PXDN: variants seen among roughly 807,000 people sequenced by gnomAD.
PXDN encodes the protein peroxidasin.
Under a neutral mutation model 140.3 loss-of-function variants are expected in PXDN, and 77 were observed. That is an observed-to-expected ratio of 0.55 (90% CI 0.46 to 0.66). PXDN has a LOEUF of 0.66. Ranked by LOEUF, PXDN falls within the 30% of genes least tolerant of loss-of-function variation. The pLI, the probability that PXDN is intolerant of heterozygous loss-of-function variation, is 0.00. For missense variants in PXDN, 1,838 were observed against 2,039.5 expected, an observed-to-expected ratio of 0.90 and a Z score of 1.90; for synonymous variants, 911 against 857.4, an observed-to-expected ratio of 1.06 and a Z score of -1.09.
At chr2:1,682,960 G>T (rs1204966500) in intron 6 of PXDN, among the ~76,000 whole-genome samples, 1 of 152,146 alleles carries the variant, frequency 6.6e-6, no homozygotes, top group Non-Finnish European at 1.5e-5. Context: ...GTAAAGATCA[G>T]CCTCCTTAGT....
At chr2:1,646,070 A>C (rs1384440027) in intron 17 of PXDN, 1 of 152,214 alleles carries the variant, frequency 6.6e-6, no homozygotes, top group Admixed American at 6.5e-5. Flanking sequence ...GTGAAACACA[A>C]AGTAGATGAG....
chr2:1,657,860 CAAGGA>C, intron 14 of PXDN, among the ~76,000 whole-genome samples: 1 of 145,102 alleles, frequency 6.9e-6, no homozygotes. Context: ...CCTCTCCTGA[CAAGGA>C]CGTGCCCCCT....
At position 1,744,425 on chromosome 2, in the gene PXDN, G is replaced by T; in HGVS notation, c.31C>A (p.Arg11Ser). 6.6e-7 allele frequency: 1 copy of T among 1,506,730 alleles called. No individual in the cohort carries two copies. The highest frequency in any genetic ancestry group is 8.8e-7 in the Non-Finnish European group (1 of 1,134,982). The allele number at this position is 1,506,730 out of a possible 1,614,324, so 93.3% of individuals were successfully genotyped here. A position where few individuals can be genotyped will look rare whatever the true frequency, so the allele number is the denominator to read the frequency against. Residue 11 changes from arginine to serine, a missense_variant, in exon 1 of 23, where the codon CGC (arginine) becomes AGC (serine). Around this residue, in one of 5 missense-constraint regions of PXDN, gnomAD observed 231 missense variants for 201.5 expected, o/e 1.15. Transcript: ENST00000252804. MAKRSRGPGRRCLLALVLFCA... is the reference protein window; with the variant it reads MAKRSRGPGRSCLLALVLFCA... The stretch of plus-strand genomic sequence containing the variant: ...AACAGCACGAGCGCCAACAGGCAGC[G>T]GCGCCCGGGGCCCCTGGAGCGCTTG...
At chr2:1,661,531 G>A (rs1019120870) in intron 13 of PXDN, among the ~76,000 whole-genome samples, 1 of 140,632 alleles carries the variant, frequency 7.1e-6, no homozygotes, top group Admixed American at 7.7e-5. Flanking sequence ...TCACAGGGCA[G>A]TGCAGGGATG....
At chr2:1,712,757 T>C (rs566819929) in intron 1 of PXDN, among the ~76,000 whole-genome samples, 2 of 152,268 alleles carry the variant, frequency 1.3e-5, no homozygotes, top group South Asian at 2.1e-4. Flanking sequence ...GGAGTTTTGC[T>C]CTTGTTGCCC....
intron 1 of PXDN, among the ~76,000 whole-genome samples, chr2:1,706,113 C>A (rs371291711): frequency 6.6e-6 from 1 of 152,164 alleles, no homozygotes; most frequent in Non-Finnish European, 1.5e-5. Context: ...CCCTGCCCTC[C>A]GATTCCTGGG....
intron 1 of PXDN, among the ~76,000 whole-genome samples, chr2:1,695,192 G>T (rs1009946057): frequency 2.0e-4 from 29 of 146,448 alleles, no homozygotes; most frequent in African/African-American, 6.8e-4. Context: ...GAAGACAGCA[G>T]GAAGAGCCAC....
At chr2:1,743,961 A>T (rs73182754) in intron 1 of PXDN, among the ~76,000 whole-genome samples, 3 of 151,616 alleles carry the variant, frequency 2.0e-5, no homozygotes, top group Admixed American at 1.3e-4. Context: ...ACAACTTCCC[A>T]GTCCTGCGGG....
intron 11 of PXDN, chr2:1,664,051 G>T: frequency 5.3e-6 from 2 of 375,626 alleles, no homozygotes; most frequent in Non-Finnish European, 9.7e-6. Context: ...GTCAGAGCGG[G>T]GTGGATGGCC....
At chr2:1,677,296 G>A (rs1683744193) in intron 7 of PXDN, among the ~76,000 whole-genome samples, 1 of 152,186 alleles carries the variant, frequency 6.6e-6, no homozygotes, top group African/African-American at 2.4e-5. Context: ...GCTCAGAGTT[G>A]GGCAGACAGC....
chr2:1,732,316 G>A (rs1013446999), intron 1 of PXDN, among the ~76,000 whole-genome samples: 10 of 152,130 alleles, frequency 6.6e-5, no homozygotes, highest in Admixed American at 6.6e-4. Context: ...AAAGGCCCAG[G>A]GGCCTGCAGA....
intron 1 of PXDN, among the ~76,000 whole-genome samples, chr2:1,734,246 T>C (rs1685379947): frequency 6.6e-6 from 1 of 152,250 alleles, no homozygotes; most frequent in Admixed American, 6.5e-5. Context: ...ATTTTCACTA[T>C]AATATAGCTG....
intron 22 of PXDN, among the ~76,000 whole-genome samples, 186 bp downstream of exon 22, chr2:1,635,222 G>A (rs189478984): frequency 1.3e-3 from 191 of 152,310 alleles, no homozygotes; most frequent in Non-Finnish European, 2.3e-3. Context: ...CTCCTAGCAC[G>A]TCCTCTGTGC....
intron 1 of PXDN, among the ~76,000 whole-genome samples, chr2:1,723,695 GATGGATGA>G (rs1685108835): frequency 6.6e-6 from 1 of 152,070 alleles, no homozygotes; most frequent in Non-Finnish European, 1.5e-5. Context: ...TGGATGGATG[GATGGATGA>G]ATGGATGGAT....
At chr2:1,636,128 G>A in intron 21 of PXDN, 1 of 175,416 alleles carries the variant, frequency 5.7e-6, no homozygotes. Context: ...AGCTGCAGCA[G>A]GGACCCTGCA....
rs1231013061 is a variant in PXDN at position 1,648,341 on chromosome 2, C to G, written c.3439G>C (p.Ala1147Pro). The change falls in exon 17 of 23, where the codon GCA becomes CCA. Residue 1147 changes from alanine to proline, a missense_variant. Ala to Pro is a conservative substitution (Grantham distance 27, BLOSUM62 -1). This residue lies in a region of PXDN where 850 missense variants were observed against 894.1 expected (regional missense o/e 0.95). Coordinates refer to ENST00000252804, the MANE Select transcript of PXDN (RefSeq NM_012293.3). This position sits in a 1 kb window ranked among gnomAD's most constrained non-coding sequence, Gnocchi z 8.9. ...TELTERLFSMAHTVALDLAAI... is the reference protein window; with the variant it reads ...TELTERLFSMPHTVALDLAAI... ...GCCAGGTCCAGAGCCACCGTGTGTG[C>G]CATGGAGAACAGCCGCTCCGTGAGC... 6.2e-7 allele frequency: 1 copy of G among 1,613,626 alleles called. No individual in the cohort carries two copies. The highest frequency in any genetic ancestry group is 8.5e-7 in the Non-Finnish European group (1 of 1,179,900).
intron 1 of PXDN, among the ~76,000 whole-genome samples, chr2:1,722,106 C>T (rs1685067117): frequency 6.6e-6 from 1 of 152,070 alleles, no homozygotes; most frequent in Non-Finnish European, 1.5e-5. Flanking sequence ...AATAATGAAC[C>T]CGAGAGGTGT....
intron 14 of PXDN, among the ~76,000 whole-genome samples, chr2:1,655,453 C>T (rs969661049): frequency 5.9e-5 from 9 of 151,640 alleles, no homozygotes; most frequent in African/African-American, 2.2e-4. Context: ...ACATACACCA[C>T]ACACACAAAT....
chr2:1,653,947 AAAAAC>A (rs1683072134), intron 15 of PXDN, 162 bp from the exon 16 acceptor site: 3 of 842,052 alleles, frequency 3.6e-6, no homozygotes, highest in Non-Finnish European at 5.3e-6. Flanking sequence ...GCAACAAAAC[AAAAAC>A]AAAACAAACA....
Sources: gnomAD v4.1 joint callset for allele counts (sites outside exome capture counted in the v4.1 genomes callset) on GRCh38, gnomAD v4.1.1 for gene constraint, gnomAD v4.1.1 regional missense constraint, Gnocchi (gnomAD v3.1) non-coding constraint, MANE v1.5 for transcripts, NCBI Gene and HGNC (gene_info 2026-07-23, HGNC 2026-07-21) for gene names.